ANK2: variants seen among roughly 807,000 people sequenced by gnomAD.
ANK2 encodes the protein ankyrin-2.
Under a neutral mutation model 360.5 loss-of-function variants are expected in ANK2, and 83 were observed. The ratio of observed to expected loss-of-function variants is 0.23; its 90% CI spans 0.19 to 0.28. The LOEUF (loss-of-function observed/expected upper bound fraction) is 0.28. Among genes scored for constraint, ANK2 ranks in the 10% least tolerant of loss-of-function variants. The pLI is 1.00. For missense variants in ANK2, 4,201 were observed against 4,795.7 expected (o/e 0.88, Z 3.66); for synonymous variants, 1,740 against 1,759.5 (o/e 0.99, Z 0.28).
intron 2 of ANK2, among the ~76,000 whole-genome samples, chr4:113,020,594 G>A (rs1237463887): frequency 2.0e-5 from 3 of 152,156 alleles, no homozygotes; most frequent in South Asian, 2.1e-4. Flanking sequence ...TTGAGAGACC[G>A]AGGTGGGTGG....
At chr4:112,774,149 A>G in the ANK2 span, among the ~76,000 whole-genome samples, 2 of 151,780 alleles carry the variant, frequency 1.3e-5, no homozygotes, top group African/African-American at 4.8e-5. Flanking sequence ...TTACTGTGGT[A>G]AGTGGTGTAA....
At chr4:113,153,952 A>G (rs1204529347) in intron 1 of ANK2, among the ~76,000 whole-genome samples, 5 of 152,232 alleles carry the variant, frequency 3.3e-5, no homozygotes, top group Non-Finnish European at 7.3e-5. Context: ...ACTTTACTGA[A>G]GAGTCAGGGC....
intron 45 of ANK2, among the ~76,000 whole-genome samples, chr4:113,379,195 A>G (rs2097079751): frequency 6.6e-6 from 1 of 152,174 alleles, no homozygotes; most frequent in Admixed American, 6.5e-5. Flanking sequence ...TATACTCTCA[A>G]CTTTTAAGTC....
At chr4:112,806,271 T>C in the ANK2 span, among the ~76,000 whole-genome samples, 1 of 152,232 alleles carries the variant, frequency 6.6e-6, no homozygotes, top group African/African-American at 2.4e-5. Context: ...TTTTAATTTT[T>C]ACCTCCCACG....
intron 1 of ANK2, chr4:112,826,812 CA>C: frequency 2.5e-6 from 3 of 1,204,936 alleles, no homozygotes; most frequent in Non-Finnish European, 3.6e-6. Flanking sequence ...ATCTTCTACT[CA>C]AAAAAATAAA....
intron 14 of ANK2, among the ~76,000 whole-genome samples, chr4:113,267,163 T>C (rs2153664092): frequency 6.6e-6 from 1 of 152,370 alleles, no homozygotes; most frequent in African/African-American, 2.4e-5. Context: ...CTTTGTCAGA[T>C]GGATAGATTG....
intron 23 of ANK2, among the ~76,000 whole-genome samples, chr4:113,310,615 C>A (rs772049297): frequency 7.2e-5 from 11 of 152,116 alleles, no homozygotes; most frequent in Admixed American, 2.6e-4. Context: ...CAGGGTTTCA[C>A]TATATTGGTC....
At chr4:113,299,862 T>C (rs2074047911) in intron 22 of ANK2, among the ~76,000 whole-genome samples, 1 of 152,128 alleles carries the variant, frequency 6.6e-6, no homozygotes, top group Non-Finnish European at 1.5e-5. Context: ...CTAAGGAACC[T>C]TTAAAAAATA....
intron 33 of ANK2, among the ~76,000 whole-genome samples, chr4:113,342,483 C>A (rs1008004130): frequency 2.0e-5 from 3 of 152,080 alleles, no homozygotes; most frequent in Non-Finnish European, 4.4e-5. Context: ...GGTGGATCAT[C>A]TGAGGTCACC....
At chr4:113,244,532 T>G (rs1229341691) in intron 9 of ANK2, among the ~76,000 whole-genome samples, 1 of 152,122 alleles carries the variant, frequency 6.6e-6, no homozygotes, top group Non-Finnish European at 1.5e-5. Flanking sequence ...TGGGAAGAGG[T>G]GTGCAAAAAG....
intron 15 of ANK2, among the ~76,000 whole-genome samples, chr4:113,276,267 C>G (rs1026646376): frequency 2.6e-5 from 4 of 152,032 alleles, no homozygotes; most frequent in African/African-American, 9.7e-5. Flanking sequence ...GTTCAGCTGA[C>G]TAGGGCTGAA....
intron 1 of ANK2, among the ~76,000 whole-genome samples, chr4:112,899,727 A>G (rs2082739260): frequency 1.3e-5 from 2 of 152,130 alleles, no homozygotes; most frequent in Admixed American, 1.3e-4. Flanking sequence ...CAAATTTTCA[A>G]ATATTAAACT....
intron 9 of ANK2, among the ~76,000 whole-genome samples, chr4:113,244,803 C>T (rs999174414): frequency 1.3e-5 from 2 of 152,088 alleles, no homozygotes; most frequent in Non-Finnish European, 2.9e-5. Context: ...GTGCGATGTT[C>T]CCCTCCCTGT....
At chr4:113,269,663 TCACCTGC>T (rs1191274874) in intron 14 of ANK2, among the ~76,000 whole-genome samples, 1 of 152,212 alleles carries the variant, frequency 6.6e-6, no homozygotes, top group Non-Finnish European at 1.5e-5. Flanking sequence ...AATGCATAAA[TCACCTGC>T]CATCTGTGTT....
intron 22 of ANK2, among the ~76,000 whole-genome samples, chr4:113,299,050 A>G (rs1481683631): frequency 6.6e-6 from 1 of 152,226 alleles, no homozygotes; most frequent in Admixed American, 6.5e-5. Flanking sequence ...ATATCTATAC[A>G]GAAAAATATC....
chr4:112,790,040 A>G, the ANK2 span, among the ~76,000 whole-genome samples: 2 of 152,190 alleles, frequency 1.3e-5, no homozygotes, highest in Non-Finnish European at 2.9e-5. Context: ...GCAGCATTAG[A>G]GAGTTATCCA....
chr4:113,358,087 C>G lies in ANK2; in HGVS notation c.9469C>G (p.Leu3157Val). The change falls in exon 38 of 46, where the codon CTA (leucine) becomes GTA (valine). Residue 3157 changes from leucine (L) to valine (V), a missense_variant. By Grantham distance (32) the Leu-to-Val change is conservative. Transcript: ENST00000357077. The part of the protein sequence containing the change: ...VKEGATGADP[L>V]PLETSAESLA... ...AGAAGGGGCTACTGGGGCTGATCCC[C>G]TACCGCTGGAGACATCAGCTGAATC... 6.2e-7 allele frequency: 1 copy of G among 1,614,056 alleles called. No individual in the cohort carries two copies. The highest frequency in any genetic ancestry group is 8.5e-7 in the Non-Finnish European group (1 of 1,179,974).
chr4:113,357,192 A>G lies in ANK2; in HGVS notation c.8574A>G (p.Gly2858=), dbSNP rs1317438449. ...SSLPHCLVSE[G]KELDEDISAT... ...TGCCTCATTGTTTGGTATCTGAAGG[A>G]AAAGAATTAGATGAAGACATATCTG... Residue 2858 remains glycine, a synonymous_variant, in exon 38 of 46, where the codon GGA becomes GGG. Coordinates refer to ENST00000357077, the MANE Select transcript of ANK2 (RefSeq NM_001148.6). The G allele has an allele frequency of 6.2e-7, 1 of 1,614,144 alleles. No homozygotes were observed. The highest frequency in any genetic ancestry group is 1.7e-5 in the Admixed American group (1 of 60,022).
chr4:113,114,132 C>T (rs996734890), intron 1 of ANK2, among the ~76,000 whole-genome samples: 1 of 152,000 alleles, frequency 6.6e-6, no homozygotes, highest in African/African-American at 2.4e-5. Context: ...TCTGGGATTT[C>T]CTGTTTTGTG....
Sources: gnomAD v4.1 joint callset for allele counts (sites outside exome capture counted in the v4.1 genomes callset) on GRCh38, gnomAD v4.1.1 for gene constraint, MANE v1.5 for transcripts, NCBI Gene and HGNC (gene_info 2026-07-23, HGNC 2026-07-21) for gene names.